Variants in TENM1 observed in about 807,000 individuals in gnomAD.
TENM1 encodes teneurin transmembrane protein 1.
A neutral mutation model predicts 174.8 loss-of-function variants in TENM1; 35 were observed. The ratio of observed to expected loss-of-function variants is 0.20; its 90% confidence interval spans 0.15 to 0.27. TENM1 has a LOEUF of 0.27. TENM1 is among the 10% of genes least tolerant of loss of function. TENM1 has a pLI of 1.00. For synonymous variants in TENM1, 781 were observed against 798.7 expected, an observed-to-expected ratio of 0.98 and a Z score of 0.37; for missense variants, 1,633 against 2,130.1, an observed-to-expected ratio of 0.77 and a Z score of 4.59.
the TENM1 span, among the ~76,000 whole-genome samples, chrX:125,033,395 C>A: frequency 9.0e-6 from 1 of 111,374 alleles, no homozygotes; most frequent in Non-Finnish European, 1.9e-5. Context: ...ATGAAAAAAA[C>A]CCCAAAAACT....
intron 19 of TENM1, among the ~76,000 whole-genome samples, chrX:124,502,554 A>C (rs2047356979): frequency 1.8e-5 from 2 of 112,703 alleles, no homozygotes; most frequent in Non-Finnish European, 3.8e-5. Context: ...CTAATAATTT[A>C]ATAAGTGGCA....
chrX:124,376,163 C>A (rs2060101980), exon 32 of TENM1: 1 of 111,811 alleles, frequency 8.9e-6, no homozygotes, highest in South Asian at 3.7e-4. Context: ...CTATTGTTTC[C>A]TAGCAACATG....
intron 11 of TENM1, among the ~76,000 whole-genome samples, chrX:124,632,719 C>T (rs1000759632): frequency 2.7e-5 from 3 of 110,891 alleles, no homozygotes; most frequent in African/African-American, 9.8e-5. Flanking sequence ...AAAAAAAACA[C>T]TGGTATGTAT....
At chrX:124,853,632 G>A (rs1029368910) in intron 3 of TENM1, among the ~76,000 whole-genome samples, 7 of 111,112 alleles carry the variant, frequency 6.3e-5, no homozygotes, top group Admixed American at 1.9e-4. Context: ...ATTTTCTGCT[G>A]TCTGCGAAGG....
intron 14 of TENM1, among the ~76,000 whole-genome samples, chrX:124,548,804 G>A (rs186354120): frequency 0.012 from 1,371 of 110,992 alleles, 18 homozygotes; most frequent in African/African-American, 0.042. Context: ...TACCACAGCT[G>A]GGGGCAATGA....
At chrX:124,384,239 T>A (rs1211067773) in exon 30 of TENM1, 1 of 1,210,148 alleles carries the variant, frequency 8.3e-7, no homozygotes, top group South Asian at 1.8e-5. Context: ...TTCAAAAATA[T>A]CATTTCCCCT....
intron 15 of TENM1, among the ~76,000 whole-genome samples, chrX:124,536,829 G>GC (rs1193751388): frequency 1.8e-5 from 2 of 111,824 alleles, no homozygotes; most frequent in Non-Finnish European, 3.8e-5. Context: ...TTTTTGGTTT[G>GC]TTTTTTGCTT....
At chrX:125,167,319 G>T in the TENM1 span, among the ~76,000 whole-genome samples, 4 of 111,520 alleles carry the variant, frequency 3.6e-5, no homozygotes, top group Non-Finnish European at 5.7e-5. Flanking sequence ...CTATTCACTG[G>T]AAGTGGTCCC....
At chrX:124,777,670 A>T (rs2054815809) in intron 3 of TENM1, among the ~76,000 whole-genome samples, 1 of 112,428 alleles carries the variant, frequency 8.9e-6, no homozygotes, top group Non-Finnish European at 1.9e-5. Flanking sequence ...TGCAACAAGG[A>T]AGAAAGAAGT....
chrX:124,554,784 A>G (rs2048657198), intron 14 of TENM1, among the ~76,000 whole-genome samples: 2 of 111,757 alleles, frequency 1.8e-5, no homozygotes, highest in Admixed American at 9.5e-5. Flanking sequence ...GAAACACTAC[A>G]TCATAAAAGA....
intron 11 of TENM1, among the ~76,000 whole-genome samples, chrX:124,584,208 A>G (rs1478219622): frequency 1.8e-5 from 2 of 109,860 alleles, no homozygotes; most frequent in Non-Finnish European, 3.8e-5. Context: ...CTCCTCGAGA[A>G]GAGCAACTCC....
intron 5 of TENM1, among the ~76,000 whole-genome samples, chrX:124,672,405 C>G (rs2051947051): frequency 1.8e-5 from 2 of 111,372 alleles, no homozygotes; most frequent in African/African-American, 6.5e-5. Flanking sequence ...TGACATAAGA[C>G]AGGTTTAAAC....
intron 11 of TENM1, among the ~76,000 whole-genome samples, chrX:124,636,430 C>T (rs1039813078): frequency 8.9e-6 from 1 of 111,871 alleles, no homozygotes; most frequent in African/African-American, 3.2e-5. Context: ...TGGGTCATAC[C>T]TATCCACCCT....
chrX:125,125,928 G>C, the TENM1 span, among the ~76,000 whole-genome samples: 1 of 111,850 alleles, frequency 8.9e-6, no homozygotes, highest in Non-Finnish European at 1.9e-5. Flanking sequence ...CAAATACTAT[G>C]GCTACAAATA....
chrX:124,671,751 C>T, exon 6 of TENM1: 1 of 1,209,942 alleles, frequency 8.3e-7, no homozygotes, highest in Non-Finnish European at 1.1e-6. Context: ...GGACTCGGTC[C>T]CCCTGTTCCC....
chrX:125,037,121 T>C, the TENM1 span, among the ~76,000 whole-genome samples: 2 of 111,724 alleles, frequency 1.8e-5, no homozygotes, highest in Admixed American at 1.9e-4. Context: ...CGTTCCTTTA[T>C]TCCTTTATTC....
rs775411233 is a variant in TENM1 at position 124,453,964 on chromosome X, A to G, written c.3950-473T>C. Among the ~76,000 whole-genome samples, 4 of 111,884 alleles carry G rather than the reference A, an allele frequency of 3.6e-5. No homozygotes were observed. In the South Asian group the frequency reaches 1.5e-3, roughly 42 times the overall value. On this transcript the variant is annotated intron_variant, in intron 22 of 31. Coordinates refer to ENST00000422452, the Ensembl canonical transcript of TENM1. ...ACTTTGTTAAAAGGGAGTTTGTAAT[A>G]ACTTTGATGAACCGGGCTGAGTTTT...
At chrX:124,639,752 A>T (rs1166232927) in intron 11 of TENM1, among the ~76,000 whole-genome samples, 1 of 111,660 alleles carries the variant, frequency 9.0e-6, no homozygotes, top group African/African-American at 3.3e-5. Flanking sequence ...TGTGTTTGCT[A>T]CAATAATAAT....
chrX:124,604,352 T>A (rs911626451), intron 11 of TENM1, among the ~76,000 whole-genome samples: 3 of 111,604 alleles, frequency 2.7e-5, no homozygotes, highest in African/African-American at 9.7e-5. Flanking sequence ...CCATATTTTT[T>A]AATATCTCAC....
Sources: gnomAD v4.1 joint callset for allele counts (sites outside exome capture counted in the v4.1 genomes callset) on GRCh38, gnomAD v4.1.1 for gene constraint, MANE v1.5 for transcripts, NCBI Gene and HGNC (gene_info 2026-07-23, HGNC 2026-07-21) for gene names.